Variants in EFHD2 observed in about 807,000 individuals in gnomAD.
The protein encoded by EFHD2 is EF-hand domain family member D2.
A neutral mutation model predicts 20.3 loss-of-function variants in EFHD2; 12 were observed. The observed-to-expected ratio is 0.59, with a 90% CI of 0.38 to 0.96. EFHD2 has a LOEUF of 0.96. EFHD2 is among the 40% of genes least tolerant of loss of function. EFHD2 has a pLI of 0.00. For missense variants in EFHD2, 250 were observed against 334.3 expected (o/e 0.75, Z 1.97); for synonymous variants, 131 against 143.9 (o/e 0.91, Z 0.64).
chr1:15,424,399 G>T (rs1446699050), intron 1 of EFHD2, among the ~76,000 whole-genome samples: 3 of 152,232 alleles, frequency 2.0e-5, no homozygotes, highest in East Asian at 3.9e-4. Flanking sequence ...AGGCAGAAAG[G>T]CCACCTAGAC....
chr1:15,411,727 C>T (rs1291925087), intron 1 of EFHD2, among the ~76,000 whole-genome samples: 1 of 152,152 alleles, frequency 6.6e-6, no homozygotes, highest in East Asian at 1.9e-4. Flanking sequence ...ACAGGCAGCC[C>T]AGGGCTGAGG....
At position 15,428,608 on chromosome 1, in the gene EFHD2, G is replaced by T. The variant is rs562670393; in HGVS notation, c.607G>T (p.Val203Leu). ...GCCCCCGCAGGTCCAGGCCATCAAC[G>T]TGTCCAGCCGCTTCGAGGAGGAGAT... Reference protein sequence around the residue: ...FFEAKVQAINVSSRFEEEIKA... With the variant: ...FFEAKVQAINLSSRFEEEIKA... The change falls in exon 4 of 4, where the codon GTG becomes TTG. Residue 203 changes from valine to leucine, a missense_variant. This residue lies in a region of EFHD2 where 100 missense variants were observed against 116.2 expected (regional missense o/e 0.86). Transcript: ENST00000375980. 2.5e-6 allele frequency: 4 copies of T among 1,611,020 alleles called. No individual in the cohort carries two copies. The highest frequency in any genetic ancestry group is 3.4e-6 in the Non-Finnish European group (4 of 1,178,998).
chr1:15,418,453 C>A (rs369417147), intron 1 of EFHD2, among the ~76,000 whole-genome samples: 3 of 151,356 alleles, frequency 2.0e-5, no homozygotes, highest in Admixed American at 2.0e-4. Context: ...CTACAGGCGC[C>A]CACCATCACG....
chr1:15,419,291 C>A (rs60575111), intron 1 of EFHD2, among the ~76,000 whole-genome samples: 3,358 of 152,312 alleles, frequency 0.022, 115 homozygotes, highest in African/African-American at 0.077. Context: ...GCTGCTGAGC[C>A]CTCCCTGACG....
At chr1:15,416,595 T>C (rs1258169126) in intron 1 of EFHD2, among the ~76,000 whole-genome samples, 2 of 152,184 alleles carry the variant, frequency 1.3e-5, no homozygotes, top group African/African-American at 4.8e-5. Flanking sequence ...TCCTCGCCCA[T>C]TTCACAGTTA....
chr1:15,415,410 G>A (rs1707644654), intron 1 of EFHD2, among the ~76,000 whole-genome samples: 1 of 151,974 alleles, frequency 6.6e-6, no homozygotes, highest in South Asian at 2.1e-4. Flanking sequence ...GCCATTCCTG[G>A]AGGAGCCTAT....
At chr1:15,421,446 A>T (rs929279264) in intron 1 of EFHD2, among the ~76,000 whole-genome samples, 1 of 151,882 alleles carries the variant, frequency 6.6e-6, no homozygotes, top group East Asian at 1.9e-4. Context: ...TTGGTGATGG[A>T]CTCTTTGGCA....
Position 15,427,929 on chromosome 1 carries a change from CAGGAAGCAG to C in EFHD2, c.591+650_592-651del, listed in dbSNP as rs1477799634. On this transcript the variant is annotated intron_variant, in intron 3 of 3. Transcript: ENST00000375980. Reference sequence around the variant, plus strand: ...TGGGTGTGCCGCTGGGCTCCCCGGACAGGAAGCAGAGGATCAGGATGGCAGCAGCTTGAG... The same window carrying C: ...TGGGTGTGCCGCTGGGCTCCCCGGACAGGATCAGGATGGCAGCAGCTTGAG... The C allele has an allele frequency of 3.8e-5, 18 of 470,234 alleles. No individual in the cohort carries two copies. The East Asian group carries it at 6.9e-4, about 18-fold the overall frequency. 29.1% of individuals were successfully genotyped at this position (470,234 alleles called of 1,614,324 possible).
chr1:15,423,331 T>C (rs1028629301), intron 1 of EFHD2, among the ~76,000 whole-genome samples: 4 of 152,162 alleles, frequency 2.6e-5, no homozygotes, highest in Admixed American at 1.3e-4. Context: ...GGACCCTGTG[T>C]TCCCTCCAGG....
At chr1:15,419,382 G>A (rs1433567796) in intron 1 of EFHD2, among the ~76,000 whole-genome samples, 1 of 152,242 alleles carries the variant, frequency 6.6e-6, no homozygotes, top group East Asian at 1.9e-4. Context: ...GGAGAAAAGT[G>A]CTGAGCTCCC....
At chr1:15,423,526 A>G (rs1267232643) in intron 1 of EFHD2, among the ~76,000 whole-genome samples, 1 of 152,224 alleles carries the variant, frequency 6.6e-6, no homozygotes, top group East Asian at 1.9e-4. Context: ...TGAGCCCAGC[A>G]GATCAAGTCT....
At chr1:15,410,341 C>T (rs1013119199) in intron 1 of EFHD2, 62 bp downstream of exon 1, 3 of 1,486,200 alleles carry the variant, frequency 2.0e-6, no homozygotes, top group Non-Finnish European at 2.7e-6. Flanking sequence ...GCCCCGAACC[C>T]CCCGATCCCC....
At chr1:15,420,158 T>C (rs534679726) in intron 1 of EFHD2, among the ~76,000 whole-genome samples, 1 of 152,334 alleles carries the variant, frequency 6.6e-6, no homozygotes, top group Admixed American at 6.5e-5. Flanking sequence ...GTGTTTTTTA[T>C]CATTATTTCT....
At chr1:15,421,307 A>G (rs1707785944) in intron 1 of EFHD2, among the ~76,000 whole-genome samples, 1 of 152,160 alleles carries the variant, frequency 6.6e-6, no homozygotes, top group African/African-American at 2.4e-5. Flanking sequence ...AGACCACATC[A>G]GAGCCCAGGG....
At chr1:15,424,596 T>C (rs892546152) in intron 1 of EFHD2, among the ~76,000 whole-genome samples, 18 of 152,202 alleles carry the variant, frequency 1.2e-4, no homozygotes, top group Non-Finnish European at 2.5e-4. Context: ...CTGCAGGCAC[T>C]GCACCACACG....
At chr1:15,419,986 G>C (rs560136432) in intron 1 of EFHD2, among the ~76,000 whole-genome samples, 3 of 152,084 alleles carry the variant, frequency 2.0e-5, no homozygotes, top group African/African-American at 7.2e-5. Flanking sequence ...GGGGCTTTGC[G>C]TCGGGCCTAG....
At chr1:15,425,805 G>T in intron 1 of EFHD2, 66 bp from the exon 2 acceptor site, 1 of 1,566,404 alleles carries the variant, frequency 6.4e-7, no homozygotes, top group Non-Finnish European at 8.6e-7. Flanking sequence ...CAGTCTCCTT[G>T]CACTCAAGCC....
At chr1:15,415,244 A>G (rs1041103440) in intron 1 of EFHD2, among the ~76,000 whole-genome samples, 9 of 152,184 alleles carry the variant, frequency 5.9e-5, no homozygotes, top group African/African-American at 2.2e-4. Flanking sequence ...GGGGATAGAG[A>G]GGATTGCACC....
intron 1 of EFHD2, among the ~76,000 whole-genome samples, chr1:15,412,191 C>G (rs1274629533): frequency 1.3e-5 from 2 of 151,854 alleles, no homozygotes; most frequent in Non-Finnish European, 2.9e-5. Context: ...AGCAGGATTT[C>G]CAGGATTCCT....
Sources: allele counts gnomAD v4.1 joint callset (sites outside exome capture counted in the v4.1 genomes callset), GRCh38; gene constraint gnomAD v4.1.1; regional missense constraint gnomAD v4.1.1; transcripts MANE v1.5; gene names NCBI Gene and HGNC (gene_info 2026-07-23, HGNC 2026-07-21).